EPB41L3: variants seen among roughly 807,000 people sequenced by gnomAD.
The protein encoded by EPB41L3 is erythrocyte membrane protein band 4.1 like 3, also known as band 4.1-like protein 3.
In EPB41L3, 57 loss-of-function variants were observed where a neutral mutation model predicts 127.1. The ratio of observed to expected loss-of-function variants is 0.45; its 90% CI spans 0.36 to 0.56. EPB41L3 has a LOEUF of 0.56. Ranked by LOEUF, EPB41L3 falls within the 20% of genes least tolerant of loss-of-function variation. The pLI, the probability that EPB41L3 is intolerant of heterozygous loss-of-function variation, is 0.00. For missense variants in EPB41L3, 1,273 were observed against 1,372.2 expected (o/e 0.93, Z 1.14); for synonymous variants, 572 against 549.5 (o/e 1.04, Z -0.57).
intron 1 of EPB41L3, among the ~76,000 whole-genome samples, chr18:5,518,969 C>T (rs75187135): frequency 0.015 from 2,220 of 152,276 alleles, 32 homozygotes; most frequent in South Asian, 0.052. Flanking sequence ...CTGAATCCGT[C>T]TGTTTGGCAA....
intron 2 of EPB41L3, among the ~76,000 whole-genome samples, chr18:5,613,164 T>C (rs1599320022): frequency 6.6e-6 from 1 of 152,162 alleles, no homozygotes; most frequent in Non-Finnish European, 1.5e-5. Flanking sequence ...TTAGGGAGTA[T>C]GAGGTAGGAG....
chr18:5,438,058 G>T lies in EPB41L3; in HGVS notation c.582C>A (p.Ala194=). 1 of 1,613,788 alleles carries T rather than the reference G, an allele frequency of 6.2e-7. No homozygotes were observed. The highest frequency in any genetic ancestry group is 1.1e-5 in the South Asian group (1 of 91,060). The change falls in exon 6 of 23, where the codon GCC becomes GCA. Residue 194 remains alanine, a synonymous_variant. Transcript: ENST00000341928. ...FNVKFYPPDP[A]QLSEDITRYY... Reference sequence around the variant, plus strand: ...ACCTGGTGATATCTTCAGATAGTTGGGCAGGGTCTGGTGGATAAAATTTCA... The same window carrying T: ...ACCTGGTGATATCTTCAGATAGTTGTGCAGGGTCTGGTGGATAAAATTTCA...
rs1021067070 is a variant in EPB41L3 at position 5,543,193 on chromosome 18, G to A, written c.-12+720C>T. 6.6e-6 allele frequency: 1 copy of A among 151,256 alleles called. No homozygotes were observed. The highest frequency in any genetic ancestry group is 1.5e-5 in the Non-Finnish European group (1 of 67,720). 9.4% of individuals were successfully genotyped at this position (151,256 alleles called of 1,614,324 possible). On this transcript the variant is annotated intron_variant, in intron 1 of 22. Transcript: ENST00000341928. The surrounding 1 kb of genome is among the most constrained non-coding windows in gnomAD (Gnocchi z 5.2). ...GCCCAGGCCCAGGGCAACCCCGCTT[G>A]GACGCTCCCTCCTCCTCCCCCACCG...
In EPB41L3 at chr18:5,428,901, G is replaced by A. The variant is rs540605956; in HGVS notation, c.913-436C>T. Among the ~76,000 whole-genome samples the A allele has an allele frequency of 1.4e-3, 220 of 152,302 alleles. 1 individual carries two copies. The highest frequency in any genetic ancestry group is 4.7e-3 in the African/African-American group (196 of 41,566). On this transcript the variant is annotated intron_variant, in intron 8 of 22. Transcript: ENST00000341928. ...ATGAGAAAATAGGTACAGAGTTCCAGCTGAACACAGCCTGGTTCCAGAGGC... is the reference window on the plus strand; with the variant it reads ...ATGAGAAAATAGGTACAGAGTTCCAACTGAACACAGCCTGGTTCCAGAGGC...
chr18:5,437,954 A>T, intron 6 of EPB41L3, 81 bp downstream of exon 6: 2 of 1,214,732 alleles, frequency 1.6e-6, no homozygotes, highest in South Asian at 2.7e-5. Flanking sequence ...TACCAGATGT[A>T]AGCACGCTCT....
At chr18:5,580,913 G>A (rs2094388293) in intron 3 of EPB41L3, among the ~76,000 whole-genome samples, 1 of 152,192 alleles carries the variant, frequency 6.6e-6, no homozygotes, top group African/African-American at 2.4e-5. Flanking sequence ...CAGCATTTGT[G>A]TTTGCAGCAT....
intron 12 of EPB41L3, among the ~76,000 whole-genome samples, chr18:5,417,474 CA>C (rs2076968985): frequency 6.6e-6 from 1 of 152,284 alleles, no homozygotes; most frequent in African/African-American, 2.4e-5. Flanking sequence ...GCAGGTACAG[CA>C]GCTGCTGCAG....
chr18:5,604,848 C>T (rs1430134802), intron 3 of EPB41L3, among the ~76,000 whole-genome samples: 3 of 152,084 alleles, frequency 2.0e-5, no homozygotes, highest in Non-Finnish European at 4.4e-5. Context: ...AGGCATTTTG[C>T]TTTTTTTCAG....
At chr18:5,407,293 G>A (rs1359706922) in intron 15 of EPB41L3, 8 of 382,332 alleles carry the variant, frequency 2.1e-5, no homozygotes, top group South Asian at 4.4e-5. Flanking sequence ...ATCTAGGAGC[G>A]AATAACAAAT....
At chr18:5,624,168 A>G (rs1020282060) in intron 1 of EPB41L3, among the ~76,000 whole-genome samples, 1 of 152,080 alleles carries the variant, frequency 6.6e-6, no homozygotes, top group South Asian at 2.1e-4. Context: ...ATGCCTGGCT[A>G]ATTTTTAATT....
intron 1 of EPB41L3, among the ~76,000 whole-genome samples, chr18:5,507,961 TC>T (rs2092308616): frequency 1.3e-5 from 2 of 152,220 alleles, no homozygotes; most frequent in Non-Finnish European, 1.5e-5. Flanking sequence ...ACTTGTCATT[TC>T]CAGTAACGTG....
intron 3 of EPB41L3, among the ~76,000 whole-genome samples, chr18:5,573,042 T>C (rs2094300080): frequency 6.6e-6 from 1 of 152,216 alleles, no homozygotes; most frequent in Non-Finnish European, 1.5e-5. Flanking sequence ...TCTCACTCTT[T>C]GGCAGCAAGG....
At chr18:5,562,541 G>A (rs1382140419) in intron 3 of EPB41L3, among the ~76,000 whole-genome samples, 1 of 152,196 alleles carries the variant, frequency 6.6e-6, no homozygotes. Flanking sequence ...TATTTATAAA[G>A]GGGATGGGTC....
chr18:5,570,300 T>A (rs2149250828), intron 3 of EPB41L3: 1 of 152,350 alleles, frequency 6.6e-6, no homozygotes, highest in African/African-American at 2.4e-5. Context: ...AAGGACATGC[T>A]GTAACACAAG....
intron 6 of EPB41L3, 102 bp from the exon 7 acceptor site, chr18:5,434,223 A>C (rs1598882835): frequency 3.3e-5 from 27 of 823,712 alleles, no homozygotes; most frequent in Non-Finnish European, 2.0e-6. Flanking sequence ...TCCCTGTAGA[A>C]CAGCCTCTCT....
At chr18:5,396,117 T>C in intron 19 of EPB41L3, 84 bp downstream of exon 19, 2 of 1,510,568 alleles carry the variant, frequency 1.3e-6, no homozygotes, top group Non-Finnish European at 1.8e-6. Context: ...ATGAATTAAA[T>C]ATCGTGCAGT....
chr18:5,452,828 C>A (rs903890241), intron 3 of EPB41L3, among the ~76,000 whole-genome samples: 3 of 152,176 alleles, frequency 2.0e-5, no homozygotes, highest in Non-Finnish European at 2.9e-5. Context: ...GAGACAGTTT[C>A]CCTTTGTATA....
intron 9 of EPB41L3, among the ~76,000 whole-genome samples, chr18:5,425,188 A>T (rs1029589005): frequency 1.3e-5 from 2 of 152,180 alleles, no homozygotes; most frequent in Non-Finnish European, 2.9e-5. Context: ...CAATAGCAAA[A>T]ATCATTTATA....
At chr18:5,431,694 T>C (rs1383620104) in intron 8 of EPB41L3, among the ~76,000 whole-genome samples, 1 of 152,212 alleles carries the variant, frequency 6.6e-6, no homozygotes, top group Non-Finnish European at 1.5e-5. Flanking sequence ...AAGTGTGTGA[T>C]GTAACTCAAA....
Sources: gnomAD v4.1 joint callset for allele counts (sites outside exome capture counted in the v4.1 genomes callset) on GRCh38, gnomAD v4.1.1 for gene constraint, Gnocchi (gnomAD v3.1) non-coding constraint, MANE v1.5 for transcripts, NCBI Gene and HGNC (gene_info 2026-07-23, HGNC 2026-07-21) for gene names.